Variants in CPPED1 observed in about 807,000 individuals in gnomAD.
CPPED1 encodes serine/threonine-protein phosphatase CPPED1.
CPPED1 carries 28 observed loss-of-function variants against 28.0 expected under a neutral mutation model. The observed-to-expected ratio is 1.00, with a 90% CI of 0.74 to 1.37. The LOEUF (loss-of-function observed/expected upper bound fraction) is 1.37. CPPED1 is among the 40% of genes most tolerant of loss of function. The pLI, the probability that CPPED1 is intolerant of heterozygous loss-of-function variation, is 0.00. For synonymous variants in CPPED1, 198 were observed against 180.2 expected (o/e 1.10, Z -0.79); for missense variants, 504 against 416.5 (o/e 1.21, Z -1.83).
At chr16:12,746,149 C>A (rs1406105163) in intron 2 of CPPED1, among the ~76,000 whole-genome samples, 1 of 151,986 alleles carries the variant, frequency 6.6e-6, no homozygotes, top group African/African-American at 2.4e-5. Context: ...CTGAGGTGGG[C>A]AGATCACCTG....
intron 2 of CPPED1, among the ~76,000 whole-genome samples, chr16:12,762,339 T>C (rs2080414627): frequency 6.6e-6 from 1 of 152,248 alleles, no homozygotes; most frequent in Non-Finnish European, 1.5e-5. Context: ...AATATGATAT[T>C]GTACTAGTTA....
intron 2 of CPPED1, among the ~76,000 whole-genome samples, chr16:12,724,478 T>C (rs2080158979): frequency 6.6e-6 from 1 of 152,194 alleles, no homozygotes; most frequent in South Asian, 2.1e-4. Context: ...CAGTGGCTCT[T>C]TCAGCTGTCA....
intron 3 of CPPED1, among the ~76,000 whole-genome samples, chr16:12,702,661 C>T (rs553559629): frequency 6.6e-6 from 1 of 152,060 alleles, no homozygotes; most frequent in Non-Finnish European, 1.5e-5. Context: ...TCAACAAGAA[C>T]AAGAACAAAG....
chr16:12,746,485 G>GA (rs1267468590), intron 2 of CPPED1, among the ~76,000 whole-genome samples: 1 of 152,050 alleles, frequency 6.6e-6, no homozygotes, highest in East Asian at 1.9e-4. Flanking sequence ...CAGCAGCCTG[G>GA]GGCTGGTTAC....
At chr16:12,779,410 T>C (rs2080516610) in intron 2 of CPPED1, among the ~76,000 whole-genome samples, 1 of 151,188 alleles carries the variant, frequency 6.6e-6, no homozygotes, top group Non-Finnish European at 1.5e-5. Context: ...TTTTTGAGAC[T>C]AAGCTTCCCG....
At chr16:12,779,385 A>AT (rs57294576) in intron 2 of CPPED1, among the ~76,000 whole-genome samples, 34,479 of 145,452 alleles carry the variant, frequency 0.24, 4,174 homozygotes, top group East Asian at 0.29. Flanking sequence ...CGCCTGGCTA[A>AT]TTTTTTTTTT....
intron 2 of CPPED1, among the ~76,000 whole-genome samples, chr16:12,771,756 C>T (rs746882784): frequency 1.4e-4 from 21 of 152,192 alleles, no homozygotes; most frequent in Non-Finnish European, 2.2e-4. Flanking sequence ...TTGCCTGAAG[C>T]CCAGCAAACC....
intron 2 of CPPED1, among the ~76,000 whole-genome samples, chr16:12,763,313 G>A (rs1361979496): frequency 1.3e-5 from 2 of 151,776 alleles, no homozygotes; most frequent in Admixed American, 6.6e-5. Flanking sequence ...ATCCTCCCGA[G>A]GCCTGCCTCA....
At chr16:12,708,435 C>G (rs2141189555) in intron 2 of CPPED1, among the ~76,000 whole-genome samples, 1 of 152,238 alleles carries the variant, frequency 6.6e-6, no homozygotes, top group South Asian at 2.1e-4. Flanking sequence ...GAGTCTGGTA[C>G]AAACAAGAAT....
chr16:12,795,290 G>A (rs1170489971), intron 1 of CPPED1, among the ~76,000 whole-genome samples: 1 of 152,052 alleles, frequency 6.6e-6, no homozygotes, highest in Non-Finnish European at 1.5e-5. Flanking sequence ...CAAAACCTCT[G>A]CCTCTAGATG....
At chr16:12,736,113 G>C (rs2080225544) in intron 2 of CPPED1, among the ~76,000 whole-genome samples, 1 of 152,250 alleles carries the variant, frequency 6.6e-6, no homozygotes, top group African/African-American at 2.4e-5. Context: ...AGGGCATGGG[G>C]CAGTCCTTAT....
intron 2 of CPPED1, among the ~76,000 whole-genome samples, chr16:12,749,344 ACT>A (rs1473534955): frequency 6.6e-6 from 1 of 151,974 alleles, no homozygotes; most frequent in East Asian, 1.9e-4. Context: ...CCAATAAACC[ACT>A]CTCTTTCTTC....
chr16:12,786,273 C>T (rs1017411456), intron 1 of CPPED1, among the ~76,000 whole-genome samples: 4 of 152,116 alleles, frequency 2.6e-5, no homozygotes, highest in Admixed American at 2.0e-4. Flanking sequence ...TACTGAACCC[C>T]GGGGTGACCT....
Position 12,781,322 on chromosome 16 carries a change from G to A in CPPED1, c.152C>T (p.Thr51Ile). ...PQFGLIKAWS[T>I]GDCDNGGDEW... ...GTCACCGCCATTGTCACAGTCCCCA[G>A]TGGACCAGGCCTTGATCAGCCCAAA... The change falls in exon 2 of 4, where the codon ACT becomes ATT. Residue 51 changes from threonine (T) to isoleucine (I), a missense_variant. Physicochemically the swap from Thr to Ile is moderately conservative, Grantham distance 89. Coordinates refer to ENST00000381774, the MANE Select transcript of CPPED1 (RefSeq NM_018340.3). 6.2e-7 allele frequency: 1 copy of A among 1,614,130 alleles called. No homozygotes were observed. The highest frequency in any genetic ancestry group is 1.7e-5 in the Admixed American group (1 of 60,022).
In CPPED1 at chr16:12,662,865, C is replaced by A. The variant is rs1205484327; in HGVS notation, c.*2021G>T. ...GTTTTTGGGGAAGGAGATTTGGTTT[C>A]ATTTTCATTACTTTCAATTATCTCC... On this transcript the variant is annotated 3_prime_UTR_variant, in exon 4 of 4. Transcript: ENST00000381774. 1 of 152,136 alleles carries A rather than the reference C, an allele frequency of 6.6e-6. No homozygotes were observed. The highest frequency in any genetic ancestry group is 1.9e-4 in the East Asian group (1 of 5,196). 9.4% of individuals were successfully genotyped at this position (152,136 alleles called of 1,614,324 possible).
chr16:12,702,136 C>G (rs1596452076), intron 3 of CPPED1, among the ~76,000 whole-genome samples: 1 of 152,132 alleles, frequency 6.6e-6, no homozygotes, highest in East Asian at 1.9e-4. Context: ...GGTTTGCCAG[C>G]AACTCTGGTT....
chr16:12,760,456 C>G (rs1171162000), intron 2 of CPPED1: 1 of 152,224 alleles, frequency 6.6e-6, no homozygotes, highest in Non-Finnish European at 1.5e-5. Flanking sequence ...ATGGTGATCT[C>G]TACTGGAATC....
intron 2 of CPPED1, among the ~76,000 whole-genome samples, chr16:12,767,070 G>C (rs1410886299): frequency 6.6e-6 from 1 of 152,012 alleles, no homozygotes; most frequent in Non-Finnish European, 1.5e-5. Context: ...GAGATACACA[G>C]ATATGTAAGA....
At chr16:12,751,791 T>C (rs897005479) in intron 2 of CPPED1, among the ~76,000 whole-genome samples, 2 of 152,232 alleles carry the variant, frequency 1.3e-5, no homozygotes, top group Non-Finnish European at 2.9e-5. Context: ...TGTGTATGCG[T>C]TATATTAATC....
Sources: allele counts gnomAD v4.1 joint callset (sites outside exome capture counted in the v4.1 genomes callset), GRCh38; gene constraint gnomAD v4.1.1; transcripts MANE v1.5; gene names NCBI Gene and HGNC (gene_info 2026-07-23, HGNC 2026-07-21).